The following RPS6KC1 variants were observed in gnomAD, a reference collection of about 807,000 sequenced individuals.
RPS6KC1 encodes ribosomal protein S6 kinase C1, also known as inactive ribosomal protein S6 kinase delta-1.
A neutral mutation model predicts 103.8 loss-of-function variants in RPS6KC1; 54 were observed. The ratio of observed to expected loss-of-function variants is 0.52; its 90% CI spans 0.42 to 0.65. The LOEUF is 0.65. RPS6KC1 is among the 30% of genes least tolerant of loss of function. RPS6KC1 has a pLI of 0.00. For missense variants in RPS6KC1, 1,151 were observed against 1,253.8 expected, an observed-to-expected ratio of 0.92 and a Z score of 1.24; for synonymous variants, 439 against 438.7, an observed-to-expected ratio of 1.00 and a Z score of -0.01.
chr1:213,860,597 T>C, the RPS6KC1 span, among the ~76,000 whole-genome samples: 2 of 152,008 alleles, frequency 1.3e-5, no homozygotes, highest in Admixed American at 6.6e-5. Context: ...GTAGGAATTC[T>C]GCATGCAGAG....
At chr1:213,488,564 A>T in the RPS6KC1 span, among the ~76,000 whole-genome samples, 2 of 152,188 alleles carry the variant, frequency 1.3e-5, no homozygotes, top group African/African-American at 4.8e-5. Context: ...CTTTCACAAG[A>T]AAATAAAAGA....
chr1:213,435,102 AAT>A, the RPS6KC1 span, among the ~76,000 whole-genome samples: 1 of 152,010 alleles, frequency 6.6e-6, no homozygotes, highest in Non-Finnish European at 1.5e-5. Context: ...CTTCATTTTA[AAT>A]AGTTTTTATT....
At chr1:213,394,563 C>T in the RPS6KC1 span, among the ~76,000 whole-genome samples, 2 of 152,166 alleles carry the variant, frequency 1.3e-5, no homozygotes, top group Non-Finnish European at 2.9e-5. Context: ...TTATAGAGTG[C>T]ATGTGATGGC....
chr1:213,211,477 C>T (rs1181270964), intron 8 of RPS6KC1, among the ~76,000 whole-genome samples: 3 of 152,186 alleles, frequency 2.0e-5, no homozygotes, highest in African/African-American at 7.2e-5. Flanking sequence ...CTGTTTTAAA[C>T]CCAATTTCTC....
the RPS6KC1 span, among the ~76,000 whole-genome samples, chr1:213,381,740 T>G: frequency 6.6e-6 from 1 of 152,140 alleles, no homozygotes; most frequent in Non-Finnish European, 1.5e-5. Context: ...GCTGCAGCAC[T>G]GCCTCGCTGC....
the RPS6KC1 span, among the ~76,000 whole-genome samples, chr1:213,809,902 C>T: frequency 6.6e-6 from 1 of 152,204 alleles, no homozygotes; most frequent in Admixed American, 6.5e-5. Flanking sequence ...CCATTTCTAT[C>T]TGGCTTAATG....
the RPS6KC1 span, chr1:213,840,374 T>C: frequency 6.6e-6 from 1 of 152,230 alleles, no homozygotes; most frequent in African/African-American, 2.4e-5. Context: ...TGAGTGCTCA[T>C]TCAACACGTA....
the RPS6KC1 span, among the ~76,000 whole-genome samples, chr1:213,341,520 G>A: frequency 6.6e-6 from 1 of 152,180 alleles, no homozygotes. Flanking sequence ...TAAAGGCATG[G>A]AATAGGAGTC....
chr1:213,395,566 G>A, the RPS6KC1 span, among the ~76,000 whole-genome samples: 1 of 152,122 alleles, frequency 6.6e-6, no homozygotes. Flanking sequence ...TAAAAGCAGT[G>A]ATTTTCTGCT....
the RPS6KC1 span, among the ~76,000 whole-genome samples, chr1:213,765,319 C>T: frequency 7.2e-5 from 11 of 152,202 alleles, no homozygotes; most frequent in African/African-American, 2.2e-4. Flanking sequence ...CTACTCCAAT[C>T]CCTCTCCGGG....
Position 213,245,221 on chromosome 1 carries a change from C to T in RPS6KC1, c.2911+2563C>T, listed in dbSNP as rs900508018. Among the ~76,000 whole-genome samples the T allele has an allele frequency of 7.9e-5, 12 of 152,258 alleles. No homozygotes were observed. The South Asian group carries it at 1.9e-3, about 24-fold the overall frequency. ...AAATCAAAACTACAGATAGGTTTTCCTCTCCTCAAAGGATGGAAGCAATGA... is the reference window on the plus strand; with the variant it reads ...AAATCAAAACTACAGATAGGTTTTCTTCTCCTCAAAGGATGGAAGCAATGA... On this transcript the variant is annotated intron_variant, in intron 12 of 14. Transcript: ENST00000366960.
At chr1:213,084,135 CCT>C (rs1358973671) in intron 3 of RPS6KC1, among the ~76,000 whole-genome samples, 14 of 151,932 alleles carry the variant, frequency 9.2e-5, no homozygotes, top group African/African-American at 3.1e-4. Flanking sequence ...TTTCTCCTTC[CCT>C]CTCTCCCTTT....
the RPS6KC1 span, among the ~76,000 whole-genome samples, chr1:213,774,746 C>T: frequency 6.6e-6 from 1 of 152,152 alleles, no homozygotes; most frequent in African/African-American, 2.4e-5. Flanking sequence ...TTTGCATTTC[C>T]TCAGAGCCCA....
intron 4 of RPS6KC1, among the ~76,000 whole-genome samples, chr1:213,113,777 T>G (rs1423879582): frequency 6.6e-6 from 1 of 152,184 alleles, no homozygotes; most frequent in Non-Finnish European, 1.5e-5. Context: ...TTTCTACATA[T>G]GGCTAGCCAG....
the RPS6KC1 span, among the ~76,000 whole-genome samples, chr1:213,823,886 G>T: frequency 6.6e-6 from 1 of 152,108 alleles, no homozygotes; most frequent in Admixed American, 6.5e-5. Context: ...TATAAAGCAG[G>T]TGCAGATTTG....
chr1:213,391,152 AG>A, the RPS6KC1 span, among the ~76,000 whole-genome samples: 74 of 152,294 alleles, frequency 4.9e-4, no homozygotes, highest in South Asian at 0.015. Flanking sequence ...GGAGTAACAG[AG>A]GGAAACAGAG....
chr1:213,289,274 A>AG, the RPS6KC1 span, among the ~76,000 whole-genome samples: 3 of 151,540 alleles, frequency 2.0e-5, no homozygotes, highest in Non-Finnish European at 4.4e-5. Flanking sequence ...AAAAAAAAAA[A>AG]AAAGACTTAA....
At chr1:213,483,291 C>T in the RPS6KC1 span, among the ~76,000 whole-genome samples, 4 of 152,236 alleles carry the variant, frequency 2.6e-5, no homozygotes, top group South Asian at 2.1e-4. Context: ...CCTCCCATGA[C>T]GTGGGGATTA....
the RPS6KC1 span, among the ~76,000 whole-genome samples, chr1:213,290,005 C>A: frequency 2.0e-5 from 3 of 152,006 alleles, no homozygotes; most frequent in African/African-American, 7.3e-5. Flanking sequence ...CACCATTGCA[C>A]TCCAGCCTGG....
Sources: allele counts gnomAD v4.1 joint callset (sites outside exome capture counted in the v4.1 genomes callset), GRCh38; gene constraint gnomAD v4.1.1; transcripts MANE v1.5; gene names NCBI Gene and HGNC (gene_info 2026-07-23, HGNC 2026-07-21).